Variants in RRM2 observed in about 807,000 individuals in gnomAD.
RRM2 encodes ribonucleotide reductase regulatory subunit M2.
RRM2 carries 6 observed loss-of-function variants against 45.9 expected under a neutral mutation model. The ratio of observed to expected loss-of-function variants is 0.13; its 90% CI spans 0.07 to 0.26. The LOEUF (loss-of-function observed/expected upper bound fraction) is 0.26, where lower values mean the gene tolerates loss of function less well. Among genes scored for constraint, RRM2 ranks in the 10% least tolerant of loss-of-function variants. The pLI, the probability that RRM2 is intolerant of heterozygous loss-of-function variation, is 1.00. For synonymous variants in RRM2, 177 were observed against 173.0 expected (o/e 1.02, Z -0.18); for missense variants, 343 against 489.5 (o/e 0.70, Z 2.82).
At chr2:10,179,402 C>T (rs965869015) in intron 3 of RRM2, among the ~76,000 whole-genome samples, 5 of 152,162 alleles carry the variant, frequency 3.3e-5, no homozygotes, top group African/African-American at 4.8e-5. Context: ...CCACCCGCCT[C>T]GGCCTCCCAA....
intron 2 of RRM2, chr2:10,142,141 G>A (rs1264056197): frequency 1.2e-5 from 18 of 1,546,100 alleles, no homozygotes; most frequent in Middle Eastern, 3.4e-4. Flanking sequence ...TGGCAGGCGC[G>A]TCTGTGAGTG....
At chr2:10,155,108 G>A in intron 3 of RRM2, 1 of 270,534 alleles carries the variant, frequency 3.7e-6, no homozygotes, top group East Asian at 1.3e-4. Context: ...ACTGACACTG[G>A]GATACTGAGC....
chr2:10,203,712 T>G (rs894011083), intron 3 of RRM2, among the ~76,000 whole-genome samples: 23 of 151,998 alleles, frequency 1.5e-4, no homozygotes, highest in Admixed American at 1.3e-4. Context: ...GATTGTGCCA[T>G]CGCACTCCAG....
chr2:10,207,385 G>A (rs371400296), intron 3 of RRM2, among the ~76,000 whole-genome samples: 2 of 152,104 alleles, frequency 1.3e-5, no homozygotes, highest in Admixed American at 6.5e-5. Flanking sequence ...CACCGAACCC[G>A]AGGCTCTCTC....
chr2:10,197,995 C>T (rs62127595), intron 3 of RRM2, among the ~76,000 whole-genome samples: 23,354 of 152,144 alleles, frequency 0.15, 2,082 homozygotes, highest in Non-Finnish European at 0.21. Flanking sequence ...CCTACAAGCA[C>T]GCTCCTAAGC....
upstream of RRM2, among the ~76,000 whole-genome samples, chr2:10,137,385 G>T (rs1240937826): frequency 6.6e-6 from 1 of 152,222 alleles, no homozygotes; most frequent in East Asian, 1.9e-4. Context: ...CATATGGAAG[G>T]GTTTGGTCAT....
intron 3 of RRM2, among the ~76,000 whole-genome samples, chr2:10,199,455 TTC>T (rs1399314865): frequency 6.6e-6 from 1 of 151,992 alleles, no homozygotes; most frequent in African/African-American, 2.4e-5. Context: ...TGAAACACAA[TTC>T]TCTCTCTCCA....
downstream of RRM2, among the ~76,000 whole-genome samples, chr2:10,135,482 G>A (rs551495840): frequency 2.6e-5 from 4 of 152,254 alleles, no homozygotes; most frequent in South Asian, 8.3e-4. Context: ...AGGGGCCCTG[G>A]TGGGGGAGGG....
chr2:10,124,636 A>T (rs1392416459), intron 4 of RRM2, 81 bp from the exon 5 acceptor site: 2 of 1,455,828 alleles, frequency 1.4e-6, no homozygotes, highest in Non-Finnish European at 1.9e-6. Context: ...TGGTACAAAG[A>T]GTGCGATGCT....
chr2:10,210,677 GC>G, exon 4 of RRM2: 2 of 1,269,412 alleles, frequency 1.6e-6, no homozygotes, highest in Non-Finnish European at 2.1e-6. Flanking sequence ...AAGCCTGCAG[GC>G]CAGGGAGGGT....
At chr2:10,207,581 G>A (rs537735856) in intron 3 of RRM2, among the ~76,000 whole-genome samples, 5 of 152,270 alleles carry the variant, frequency 3.3e-5, no homozygotes, top group African/African-American at 9.6e-5. Context: ...CCTCATGGGT[G>A]CCATCATTTT....
In RRM2 at chr2:10,129,630, T is replaced by C. The variant is rs1662855941; in HGVS notation, c.*244T>C. The C allele has an allele frequency of 2.0e-6, 1 of 506,472 alleles. No homozygotes were observed. Among genetic ancestry groups the C allele is most frequent in the Non-Finnish European group, 3.5e-6 (1 of 287,508 alleles). The allele number at this position is 506,472 out of a possible 1,614,324, so 31.4% of individuals were successfully genotyped here. ...AGCAGTGACAATGGCAGTCTTGGCT[T>C]TAAAGTGAGGGGTGACCCTTTAGTG... is the stretch of plus-strand genomic sequence containing the variant. On this transcript the variant is annotated 3_prime_UTR_variant, in exon 10 of 10. Transcript: ENST00000304567. This position sits in a 1 kb window ranked among gnomAD's most constrained non-coding sequence, Gnocchi z 4.8.
At position 10,123,471 on chromosome 2, in the gene RRM2, T is replaced by C. The variant is rs774466227; in HGVS notation, c.259T>C (p.Tyr87His). Residue 87 changes from tyrosine to histidine, a missense_variant, in exon 3 of 10, where the codon TAC (tyrosine) becomes CAC (histidine). Tyr to His is a moderately conservative substitution (Grantham distance 83, BLOSUM62 2). Transcript: ENST00000304567. ...CCGCTTTGTCATCTTCCCCATCGAG[T>C]ACCATGATATCTGGCAGATGTATAA... ...PRRFVIFPIE[Y>H]HDIWQMYKKA... 2 of 1,613,984 alleles carry C rather than the reference T, an allele frequency of 1.2e-6. No individual in the cohort carries two copies. The highest frequency in any genetic ancestry group is 1.7e-6 in the Non-Finnish European group (2 of 1,180,010).
At chr2:10,180,037 T>C (rs1214284933) in intron 3 of RRM2, among the ~76,000 whole-genome samples, 1 of 152,168 alleles carries the variant, frequency 6.6e-6, no homozygotes, top group Non-Finnish European at 1.5e-5. Flanking sequence ...TGTGGGATGA[T>C]GGAGCCCTCA....
chr2:10,132,838 G>T (rs1234628626), downstream of RRM2, among the ~76,000 whole-genome samples: 1 of 152,196 alleles, frequency 6.6e-6, no homozygotes, highest in Admixed American at 6.5e-5. Context: ...GCCTCCCTGT[G>T]GGTGGCCTGC....
chr2:10,161,098 C>T (rs897496891), intron 3 of RRM2, among the ~76,000 whole-genome samples: 9 of 152,184 alleles, frequency 5.9e-5, no homozygotes, highest in African/African-American at 1.4e-4. Context: ...CACAGGGTCT[C>T]GCTCTGTGGC....
At position 10,169,238 on chromosome 2, in the gene RRM2, A is replaced by G. The variant is rs1663744606; in HGVS notation, n.482+26863A>G. ...CTCAATCCTCCTGCCTCAGCCTCCC[A>G]CAGTGCTGGGATTACAGGTGTGCGC... On this transcript the variant is annotated intron_variant and non_coding_transcript_variant, in intron 3 of 3. Coordinates refer to the RRM2 transcript ENST00000381786. The surrounding 1 kb of genome is among the most constrained non-coding windows in gnomAD (Gnocchi z 5.1). Among the ~76,000 whole-genome samples the G allele has an allele frequency of 6.8e-6, 1 of 148,004 alleles. No homozygotes were observed. The highest frequency in any genetic ancestry group is 2.1e-4 in the South Asian group (1 of 4,750).
At chr2:10,142,399 C>T (rs781474357) in intron 3 of RRM2, 31 of 1,368,566 alleles carry the variant, frequency 2.3e-5, no homozygotes, top group Middle Eastern at 4.2e-4. Context: ...GCAACTCGCA[C>T]GGTGGGGGAA....
chr2:10,174,995 C>A (rs780424227), intron 3 of RRM2, among the ~76,000 whole-genome samples: 14 of 152,180 alleles, frequency 9.2e-5, no homozygotes, highest in South Asian at 6.2e-4. Flanking sequence ...CCCAAATATA[C>A]CCAGAAAGTC....
Sources: gnomAD v4.1 joint callset for allele counts (sites outside exome capture counted in the v4.1 genomes callset) on GRCh38, gnomAD v4.1.1 for gene constraint, Gnocchi (gnomAD v3.1) non-coding constraint, MANE v1.5 for transcripts, NCBI Gene and HGNC (gene_info 2026-07-23, HGNC 2026-07-21) for gene names.